Variants in TNS2 observed in about 807,000 individuals in gnomAD.
TNS2 encodes tensin-2.
Under a neutral mutation model 155.7 loss-of-function variants are expected in TNS2, and 77 were observed. That is an observed-to-expected ratio of 0.49 (90% CI 0.41 to 0.60). The LOEUF (loss-of-function observed/expected upper bound fraction) is 0.60, where lower values mean the gene tolerates loss of function less well. Among genes scored for constraint, TNS2 ranks in the 20% least tolerant of loss-of-function variants. The pLI is 0.00. For synonymous variants in TNS2, 726 were observed against 763.9 expected (o/e 0.95, Z 0.82); for missense variants, 1,703 against 1,868.8 (o/e 0.91, Z 1.64).
At chr12:53,048,898 C>T, upstream of TNS2, 1 of 345,062 alleles carries the variant, frequency 2.9e-6, no homozygotes, top group Non-Finnish European at 5.2e-6. Flanking sequence ...GGGGAGTTGC[C>T]TGAGTACTGG....
At position 53,062,432 on chromosome 12, in the gene TNS2, T is replaced by G; in HGVS notation, c.3724T>G (p.Cys1242Gly). 7.4e-6 allele frequency: 12 copies of G among 1,613,984 alleles called. No homozygotes were observed. The highest frequency in any genetic ancestry group is 1.0e-5 in the Non-Finnish European group (12 of 1,179,970). The change falls in exon 24 of 29, where the codon TGC (cysteine) becomes GGC (glycine). Residue 1242 changes from cysteine (C) to glycine (G), a missense_variant. Coordinates refer to ENST00000314250, the MANE Select transcript of TNS2 (RefSeq NM_170754.4). Reference sequence around the variant, plus strand: ...CATCTCCCCCATCTCCCTGCCCTGCTGCCTGCGCATTCCCAGCAAAGGTGA... The same window carrying G: ...CATCTCCCCCATCTCCCTGCCCTGCGGCCTGCGCATTCCCAGCAAAGGTGA... ...HSISPISLPCCLRIPSKDPLE... is the reference protein window; with the variant it reads ...HSISPISLPCGLRIPSKDPLE...
Position 53,063,452 on chromosome 12 carries a change from C to T in TNS2, c.4061+35C>T. On this transcript the variant is annotated intron_variant, in intron 27 of 28. Coordinates refer to ENST00000314250, the MANE Select transcript of TNS2 (RefSeq NM_170754.4). This position sits in a 1 kb window ranked among gnomAD's most constrained non-coding sequence, Gnocchi z 5.6. ...CCTCCAAACCCTTTGCCCCAAATCC[C>T]CATGGTCCCACCAGGTCCCAGCTCC... The T allele has an allele frequency of 6.2e-7, 1 of 1,613,292 alleles. No individual in the cohort carries two copies.
In TNS2 at chr12:53,061,451, C is replaced by T. The variant is rs1226009610; in HGVS notation, c.3430C>T (p.His1144Tyr). 6.8e-6 allele frequency: 11 copies of T among 1,614,096 alleles called. No homozygotes were observed. Among genetic ancestry groups the T allele is most frequent in the Non-Finnish European group, 9.3e-6 (11 of 1,180,012 alleles). ...QDTSKFWYKP[H>Y]LSRDQAIALL... ...TACATCCAAGTTCTGGTACAAGCCA[C>T]ACCTGTCCCGTGACCAAGGTGAGAA... Residue 1144 changes from histidine (H) to tyrosine (Y), a missense_variant, in exon 21 of 29, where the codon CAC (histidine) becomes TAC (tyrosine). Transcript: ENST00000314250.
chr12:53,058,620 G>T lies in TNS2; in HGVS notation c.1274G>T (p.Ser425Ile). The T allele has an allele frequency of 1.9e-6, 3 of 1,614,086 alleles. No individual in the cohort carries two copies. The highest frequency in any genetic ancestry group is 2.7e-5 in the African/African-American group (2 of 75,008). The change falls in exon 16 of 29, where the codon AGC (serine) becomes ATC (isoleucine). Residue 425 changes from serine (S) to isoleucine (I), a missense_variant. Physicochemically the swap from Ser to Ile is moderately radical, Grantham distance 142. Coordinates refer to ENST00000314250, the MANE Select transcript of TNS2 (RefSeq NM_170754.4). Reference protein sequence around the residue: ...QASVEFVFSSSPEKIKGSTPR... With the variant: ...QASVEFVFSSIPEKIKGSTPR... ...TCCGTGGAGTTTGTCTTCTCCTCCA[G>T]CCCCGAGAAGATCAAAGGTAAGAGC...
chr12:53,053,662 G>A, intron 4 of TNS2, 112 bp from the exon 5 acceptor site: 1 of 1,513,468 alleles, frequency 6.6e-7, no homozygotes, highest in South Asian at 1.2e-5. Context: ...CCCTTATCCA[G>A]TACAGCCTTC....
chr12:53,052,607 T>TG (rs1303593051), intron 3 of TNS2, 115 bp downstream of exon 3: 5 of 1,397,672 alleles, frequency 3.6e-6, no homozygotes, highest in Non-Finnish European at 5.0e-6. Flanking sequence ...CTCTCACCAC[T>TG]GGGGAACCCC....
chr12:53,057,606 C>G lies in TNS2; in HGVS notation c.885C>G (p.Ile295Met). The G allele has an allele frequency of 1.2e-6, 2 of 1,613,896 alleles. No homozygotes were observed. Among genetic ancestry groups the G allele is most frequent in the South Asian group, 2.2e-5 (2 of 91,060 alleles). Residue 295 changes from isoleucine (I) to methionine (M), a missense_variant, in exon 12 of 29, where the codon ATC (isoleucine) becomes ATG (methionine). Transcript: ENST00000314250. The stretch of plus-strand genomic sequence containing the variant: ...TCAGTGGGCTGCTATCTGGCTCCAT[C>G]AGAATGAACAGCAGCCCTCTCTTCC... ...SYFSGLLSGS[I>M]RMNSSPLFLH...
chr12:53,053,295 G>A, intron 3 of TNS2, 116 bp from the exon 4 acceptor site: 4 of 1,178,968 alleles, frequency 3.4e-6, no homozygotes, highest in East Asian at 4.8e-5. Flanking sequence ...GCTGGAGCCT[G>A]TGCCCATCCA....
In TNS2 at chr12:53,051,982, T is replaced by C; in HGVS notation, c.184+19T>C. 6.3e-7 allele frequency: 1 copy of C among 1,595,222 alleles called. No homozygotes were observed. The highest frequency in any genetic ancestry group is 8.6e-7 in the Non-Finnish European group (1 of 1,165,140). On this transcript the variant is annotated intron_variant, in intron 2 of 28. Coordinates refer to ENST00000314250, the MANE Select transcript of TNS2 (RefSeq NM_170754.4). ...TGCAGAGGTGAGGCTCTCTGTCCTG[T>C]GACTCTGAGACCCTCCACCCAGTAC...
At chr12:53,061,659 C>T (rs1338575142) in intron 21 of TNS2, 156 bp from the exon 22 acceptor site, 7 of 1,404,592 alleles carry the variant, frequency 5.0e-6, no homozygotes, top group Non-Finnish European at 6.7e-6. Context: ...GTCAAAACCC[C>T]TGTGAACTCT....
Position 53,059,497 on chromosome 12 carries a change from G to A in TNS2, c.1856G>A (p.Arg619Lys), listed in dbSNP as rs200664783. The part of the protein sequence containing the change: ...YYRPEGTLER[R>K]RLAYGGYEGS... ...CGGCCAGAGGGAACCCTGGAGAGGA[G>A]GCGACTGGCCTACGGGGGCTATGAG... Residue 619 changes from arginine (R) to lysine (K), a missense_variant, in exon 18 of 29, where the codon AGG becomes AAG. Arg to Lys is a conservative substitution (Grantham distance 26). Transcript: ENST00000314250. This position sits in a 1 kb window ranked among gnomAD's most constrained non-coding sequence, Gnocchi z 4.7. 3.8e-6 allele frequency: 6 copies of A among 1,569,354 alleles called. No homozygotes were observed. The highest frequency in any genetic ancestry group is 2.4e-5 in the South Asian group (2 of 84,244).
At chr12:53,049,941 C>G, upstream of TNS2, 1 of 1,011,742 alleles carries the variant, frequency 9.9e-7, no homozygotes, top group Admixed American at 3.0e-5. Flanking sequence ...AGGGTAGATC[C>G]TGGGAATCTG....
At position 53,059,763 on chromosome 12, in the gene TNS2, C is replaced by T. The variant is rs754578695; in HGVS notation, c.2122C>T (p.Arg708Trp). The change falls in exon 18 of 29, where the codon CGG becomes TGG. Residue 708 changes from arginine to tryptophan, a missense_variant. Arg to Trp is a moderately radical substitution (Grantham distance 101, BLOSUM62 -3). Coordinates refer to ENST00000314250, the MANE Select transcript of TNS2 (RefSeq NM_170754.4). The surrounding 1 kb of genome is among the most constrained non-coding windows in gnomAD (Gnocchi z 4.7). Reference sequence around the variant, plus strand: ...GCCTACAGCAGCCTTGTATGGACTGCGGCTGGAGAGGGAGGCTGGAGAAGG... The same window carrying T: ...GCCTACAGCAGCCTTGTATGGACTGTGGCTGGAGAGGGAGGCTGGAGAAGG... Reference protein sequence around the residue: ...ALPTAALYGLRLEREAGEGWA... With the variant: ...ALPTAALYGLWLEREAGEGWA... The T allele has an allele frequency of 2.1e-5, 34 of 1,612,200 alleles. No individual in the cohort carries two copies. Among genetic ancestry groups the T allele is most frequent in the Non-Finnish European group, 2.6e-5 (31 of 1,179,492 alleles).
At position 53,059,449 on chromosome 12, in the gene TNS2, G is replaced by A. The variant is rs754706125; in HGVS notation, c.1808G>A (p.Gly603Glu). 137 of 1,506,880 alleles carry A rather than the reference G, an allele frequency of 9.1e-5. No individual in the cohort carries two copies. In the East Asian group the frequency reaches 3.2e-3, roughly 35 times the overall value. The allele number at this position is 1,506,880 out of a possible 1,614,324, so 93.3% of individuals were successfully genotyped here. A position where few individuals can be genotyped will look rare whatever the true frequency, so the allele number is the denominator to read the frequency against. Residue 603 changes from glycine (G) to glutamate (E), a missense_variant, in exon 18 of 29, where the codon GGG (glycine) becomes GAG (glutamate). Coordinates refer to ENST00000314250, the MANE Select transcript of TNS2 (RefSeq NM_170754.4). The surrounding 1 kb of genome is among the most constrained non-coding windows in gnomAD (Gnocchi z 4.7). ...SCRQGYREPCGVPNGGYYRPE... is the reference protein window; with the variant it reads ...SCRQGYREPCEVPNGGYYRPE... Reference sequence around the variant, plus strand: ...CGCCAGGGCTACCGGGAGCCCTGCGGGGTTCCCAATGGGGGCTACTACCGG... The same window carrying A: ...CGCCAGGGCTACCGGGAGCCCTGCGAGGTTCCCAATGGGGGCTACTACCGG...
At position 53,054,351 on chromosome 12, in the gene TNS2, C is replaced by T. The variant is rs745607120; in HGVS notation, c.432C>T (p.Ala144=). The T allele has an allele frequency of 3.1e-6, 5 of 1,612,818 alleles. No individual in the cohort carries two copies. The highest frequency in any genetic ancestry group is 1.3e-5 in the African/African-American group (1 of 75,016). ...TGACGGAGCGCATCTTGGCCGCCGC[C>T]TTCCCCGCGCGGCCCGATGAACAGC... is the stretch of plus-strand genomic sequence containing the variant. ...TYVTERILAA[A]FPARPDEQRH... The change falls in exon 7 of 29, where the codon GCC becomes GCT. Residue 144 remains alanine (A), a synonymous_variant. Coordinates refer to ENST00000314250, the MANE Select transcript of TNS2 (RefSeq NM_170754.4).
At chr12:53,052,273 A>G in intron 2 of TNS2, 182 bp from the exon 3 acceptor site, 1 of 741,936 alleles carries the variant, frequency 1.3e-6, no homozygotes, top group South Asian at 1.7e-5. Flanking sequence ...GGGCAGTAGT[A>G]CCCCACTGCC....
At chr12:53,056,952 G>A in intron 10 of TNS2, 61 bp from the exon 11 acceptor site, 2 of 1,518,996 alleles carry the variant, frequency 1.3e-6, no homozygotes, top group Non-Finnish European at 1.8e-6. Flanking sequence ...TGGGGCTTAG[G>A]GATGGGAGGC....
chr12:53,064,022 G>A lies in TNS2; in HGVS notation c.*140G>A. 1 of 933,520 alleles carries A rather than the reference G, an allele frequency of 1.1e-6. No homozygotes were observed. Among genetic ancestry groups the A allele is most frequent in the South Asian group, 1.7e-5 (1 of 58,402 alleles). 57.8% of individuals were successfully genotyped at this position (933,520 alleles called of 1,614,324 possible). A position where few individuals can be genotyped will look rare whatever the true frequency, so the allele number is the denominator to read the frequency against. ...GAATGAGGAGTGGGCATCAGGCCTG[G>A]GACACTGCTCTCCTTCCCCGCCCCC... On this transcript the variant is annotated 3_prime_UTR_variant, in exon 29 of 29. Transcript: ENST00000314250.
intron 7 of TNS2, among the ~76,000 whole-genome samples, 159 bp downstream of exon 7, chr12:53,054,600 C>G (rs1195019063): frequency 6.6e-6 from 1 of 152,242 alleles, no homozygotes; most frequent in Non-Finnish European, 1.5e-5. Flanking sequence ...TGGAGCGGAG[C>G]GGAGAATCCT....
Sources: allele counts gnomAD v4.1 joint callset (sites outside exome capture counted in the v4.1 genomes callset), GRCh38; gene constraint gnomAD v4.1.1; non-coding constraint Gnocchi (gnomAD v3.1); transcripts MANE v1.5; gene names NCBI Gene and HGNC (gene_info 2026-07-23, HGNC 2026-07-21).